The following ZNFX1 variants were observed in gnomAD, a reference collection of about 807,000 sequenced individuals.
ZNFX1 encodes the protein NFX1-type zinc finger-containing protein 1.
A neutral mutation model predicts 179.8 loss-of-function variants in ZNFX1; 78 were observed. The observed-to-expected ratio is 0.43, with a 90% CI of 0.36 to 0.52. The LOEUF (loss-of-function observed/expected upper bound fraction) is 0.52, where lower values mean the gene tolerates loss of function less well. Among genes scored for constraint, ZNFX1 ranks in the 20% least tolerant of loss-of-function variants. ZNFX1 has a pLI of 0.00. For synonymous variants in ZNFX1, 848 were observed against 868.5 expected (o/e 0.98, Z 0.42); for missense variants, 1,927 against 2,386.6 (o/e 0.81, Z 4.01).
At chr20:49,262,744 C>G (rs1180869340) in intron 6 of ZNFX1, among the ~76,000 whole-genome samples, 1 of 152,112 alleles carries the variant, frequency 6.6e-6, no homozygotes, top group Non-Finnish European at 1.5e-5. Context: ...TATTTCTTAC[C>G]ATATCTTTTG....
intron 7 of ZNFX1, 129 bp downstream of exon 7, chr20:49,260,334 G>T: frequency 2.1e-6 from 1 of 469,414 alleles, no homozygotes. Flanking sequence ...CTTATATTAA[G>T]CTATTTGTCT....
chr20:49,264,769 T>C lies in ZNFX1; in HGVS notation c.2098A>G (p.Lys700Glu), dbSNP rs150181210. The C allele has an allele frequency of 6.2e-7, 1 of 1,614,078 alleles. No individual in the cohort carries two copies. Among genetic ancestry groups the C allele is most frequent in the African/African-American group, 1.3e-5 (1 of 74,938 alleles). Residue 700 changes from lysine (K) to glutamate (E), a missense_variant, in exon 5 of 14, where the codon AAG becomes GAG. Physicochemically the swap from Lys to Glu is moderately conservative, Grantham distance 56. Transcript: ENST00000396105. ...KQFTLRELRN[K>E]REFRRNLPMH... ...GGGAGGTTGCGGCGGAATTCCCGCT[T>C]GTTCCTCAGCTCCCTTAGGGTGAAC...
chr20:49,251,407 C>T (rs1348131783), intron 13 of ZNFX1, 120 bp downstream of exon 13: 7 of 745,410 alleles, frequency 9.4e-6, no homozygotes, highest in Non-Finnish European at 1.3e-5. Flanking sequence ...TCCCAAAGTG[C>T]TGGGATTACA....
intron 7 of ZNFX1, among the ~76,000 whole-genome samples, chr20:49,258,119 C>T (rs543326190): frequency 1.4e-4 from 17 of 118,182 alleles, no homozygotes; most frequent in African/African-American, 4.3e-4. Flanking sequence ...TTTTTTGAGA[C>T]GGAGTTTCAC....
At position 49,248,017 on chromosome 20, in the gene ZNFX1, C is replaced by T; in HGVS notation, c.5007G>A (p.Glu1669=). 1.2e-6 allele frequency: 2 copies of T among 1,614,180 alleles called. No homozygotes were observed. Among genetic ancestry groups the T allele is most frequent in the Non-Finnish European group, 1.7e-6 (2 of 1,180,044 alleles). Residue 1669 remains glutamate (E), a synonymous_variant, in exon 14 of 14, where the codon GAG becomes GAA. Coordinates refer to ENST00000396105, the MANE Select transcript of ZNFX1 (RefSeq NM_021035.3). This position sits in a 1 kb window ranked among gnomAD's most constrained non-coding sequence, Gnocchi z 4.6. ...GCAGCTGGTGGAGGAGGCTCTTCCT[C>T]TCCAGCAGGGCCTTAAGCCGTTCCT... ...TSQERLKALL[E]RKSLLHQLLP...
In ZNFX1 at chr20:49,246,926, T is replaced by A; in HGVS notation, c.*341A>T. ...TCCTGTCGCCCAGACTGGAGTGCAA[T>A]GGCATGATCTCAGCTCACTGCAACC... On this transcript the variant is annotated 3_prime_UTR_variant, in exon 14 of 14. Coordinates refer to ENST00000396105, the MANE Select transcript of ZNFX1 (RefSeq NM_021035.3). 2.1e-6 allele frequency: 1 copy of A among 466,258 alleles called. No homozygotes were observed. Among genetic ancestry groups the A allele is most frequent in the South Asian group, 1.6e-5 (1 of 63,870 alleles). The allele number at this position is 466,258 out of a possible 1,614,324, so 28.9% of individuals were successfully genotyped here. A position where few individuals can be genotyped will look rare whatever the true frequency, so the allele number is the denominator to read the frequency against.
At chr20:49,269,912 T>A in intron 3 of ZNFX1, 30 bp downstream of exon 3, 1 of 1,551,736 alleles carries the variant, frequency 6.4e-7, no homozygotes. Flanking sequence ...ACAAAGCAGA[T>A]CTTATGTACT....
At chr20:49,271,798 GAAAC>G in intron 2 of ZNFX1, 48 bp from the exon 3 acceptor site, 1 of 1,538,258 alleles carries the variant, frequency 6.5e-7, no homozygotes, top group African/African-American at 1.4e-5. Context: ...AGTTCTGTTG[GAAAC>G]CCAACAGAAC....
chr20:49,251,571 C>G lies in ZNFX1; in HGVS notation c.3268G>C (p.Asp1090His), dbSNP rs1171787902. The G allele has an allele frequency of 6.2e-7, 1 of 1,612,530 alleles. No individual in the cohort carries two copies. Among genetic ancestry groups the G allele is most frequent in the Non-Finnish European group, 8.5e-7 (1 of 1,179,264 alleles). ...AGAACAGATGGATGATTCTCCAGAT[C>G]CTGGTAAATGTGGGGGGTCAAAAGG... ...ARLLTPHIYQDLENHPSVLKY... is the reference protein window; with the variant it reads ...ARLLTPHIYQHLENHPSVLKY... Residue 1090 changes from aspartate to histidine, a missense_variant, in exon 13 of 14, where the codon GAT becomes CAT. Asp to His is a moderately conservative substitution (Grantham distance 81, BLOSUM62 -1). Coordinates refer to ENST00000396105, the MANE Select transcript of ZNFX1 (RefSeq NM_021035.3).
At chr20:49,264,893 T>C (rs764701657) in intron 4 of ZNFX1, 29 bp from the exon 5 acceptor site, 1 of 1,614,130 alleles carries the variant, frequency 6.2e-7, no homozygotes, top group Non-Finnish European at 8.5e-7. Context: ...CATGGCAGGG[T>C]TGAGAGGAGC....
intron 6 of ZNFX1, among the ~76,000 whole-genome samples, chr20:49,262,800 T>C (rs80012410): frequency 0.015 from 2,329 of 152,318 alleles, 61 homozygotes; most frequent in South Asian, 0.071. Flanking sequence ...GAGGATCACA[T>C]GAACCCAAGT....
intron 3 of ZNFX1, among the ~76,000 whole-genome samples, chr20:49,268,593 A>C (rs1981303350): frequency 2.0e-5 from 3 of 152,212 alleles, no homozygotes; most frequent in Admixed American, 1.3e-4. Context: ...CAACCTACAA[A>C]ATGAGACAAA....
chr20:49,248,306 A>G lies in ZNFX1; in HGVS notation c.4718T>C (p.Ile1573Thr). ...AGGCTCATCCTCAAAGCCAAAGAAT[A>G]TTTGGGTGACCTCATCCATGTGGCA... ...RICHMDEVTQ[I>T]FFGFEDEPDA... The change falls in exon 14 of 14, where the codon ATA becomes ACA. Residue 1573 changes from isoleucine to threonine, a missense_variant. Coordinates refer to ENST00000396105, the MANE Select transcript of ZNFX1 (RefSeq NM_021035.3). The surrounding 1 kb of genome is among the most constrained non-coding windows in gnomAD (Gnocchi z 4.6). The G allele has an allele frequency of 6.2e-7, 1 of 1,614,110 alleles. No individual in the cohort carries two copies. Among genetic ancestry groups the G allele is most frequent in the South Asian group, 1.1e-5 (1 of 91,074 alleles).
chr20:49,249,242 C>T lies in ZNFX1; in HGVS notation c.3782G>A (p.Arg1261Gln), dbSNP rs774524316. The T allele has an allele frequency of 3.0e-5, 49 of 1,614,054 alleles. No homozygotes were observed. In the African/African-American group the frequency reaches 3.7e-4, roughly 12 times the overall value. ...TTCAGGGTGGTTCTGGCAGCAGAGCCGGAGCATGGGGCCTATTTGATTGTT... is the reference window on the plus strand; with the variant it reads ...TTCAGGGTGGTTCTGGCAGCAGAGCTGGAGCATGGGGCCTATTTGATTGTT... ...RENNQIGPMLRLCCQNHPETH... is the reference protein window; with the variant it reads ...RENNQIGPMLQLCCQNHPETH... Residue 1261 changes from arginine (R) to glutamine (Q), a missense_variant, in exon 14 of 14, where the codon CGG becomes CAG. Transcript: ENST00000396105.
At chr20:49,265,904 C>T (rs148714594) in intron 4 of ZNFX1, among the ~76,000 whole-genome samples, 314 of 152,162 alleles carry the variant, frequency 2.1e-3, no homozygotes, top group Non-Finnish European at 3.5e-3. Flanking sequence ...CAATGGAGGA[C>T]GTAGAGGCTT....
In ZNFX1 at chr20:49,247,997, T is replaced by C; in HGVS notation, c.5027A>G (p.Gln1676Arg). 6.2e-7 allele frequency: 1 copy of C among 1,614,114 alleles called. No individual in the cohort carries two copies. Among genetic ancestry groups the C allele is most frequent in the Non-Finnish European group, 8.5e-7 (1 of 1,180,028 alleles). Residue 1676 changes from glutamine to arginine, a missense_variant, in exon 14 of 14, where the codon CAG becomes CGG. By Grantham distance (43) the Gln-to-Arg change is conservative (BLOSUM62 1). Coordinates refer to ENST00000396105, the MANE Select transcript of ZNFX1 (RefSeq NM_021035.3). ...CATCAGGAAGTCTTCAGGAAGCAGC[T>C]GGTGGAGGAGGCTCTTCCTCTCCAG... Reference protein sequence around the residue: ...ALLERKSLLHQLLPEDFLMLK... With the variant: ...ALLERKSLLHRLLPEDFLMLK...
At chr20:49,274,104 G>A (rs1185788733) in intron 2 of ZNFX1, among the ~76,000 whole-genome samples, 1 of 152,228 alleles carries the variant, frequency 6.6e-6, no homozygotes, top group Non-Finnish European at 1.5e-5. Context: ...TTAGTAGAGT[G>A]ATGGTCTTGG....
At chr20:49,277,685 T>G (rs1394629824) in intron 1 of ZNFX1, among the ~76,000 whole-genome samples, 6 of 120,414 alleles carry the variant, frequency 5.0e-5, no homozygotes, top group Admixed American at 8.1e-5. Context: ...GGCGCTGAGA[T>G]GGGCCAGGGG....
At chr20:49,250,668 C>G (rs545115752) in intron 13 of ZNFX1, among the ~76,000 whole-genome samples, 2 of 152,306 alleles carry the variant, frequency 1.3e-5, no homozygotes, top group East Asian at 3.9e-4. Context: ...CCTCTCGCCT[C>G]AGCCTCCCAA....
Sources: gnomAD v4.1 joint callset for allele counts (sites outside exome capture counted in the v4.1 genomes callset) on GRCh38, gnomAD v4.1.1 for gene constraint, Gnocchi (gnomAD v3.1) non-coding constraint, MANE v1.5 for transcripts, NCBI Gene and HGNC (gene_info 2026-07-23, HGNC 2026-07-21) for gene names.